The following VRK3 variants were observed in gnomAD, a reference collection of about 807,000 sequenced individuals.
The protein encoded by VRK3 is VRK serine/threonine kinase 3.
A neutral mutation model predicts 60.4 loss-of-function variants in VRK3; 50 were observed. That is an observed-to-expected ratio of 0.83 (90% CI 0.66 to 1.05). VRK3 has a LOEUF of 1.05. Ranked by LOEUF, VRK3 falls within the 50% of genes least tolerant of loss-of-function variation. The probability of loss-of-function intolerance (pLI) is 0.00; values close to 1 mark genes in which losing one functional copy is unlikely to be tolerated. For synonymous variants in VRK3, 246 were observed against 227.8 expected, an observed-to-expected ratio of 1.08 and a Z score of -0.72; for missense variants, 549 against 585.3, an observed-to-expected ratio of 0.94 and a Z score of 0.64.
intron 9 of VRK3, among the ~76,000 whole-genome samples, chr19:49,994,536 T>C (rs1224662422): frequency 6.6e-6 from 1 of 152,240 alleles, no homozygotes; most frequent in African/African-American, 2.4e-5. Context: ...CCTGAGAGTC[T>C]TGGCTTAGAA....
At chr19:49,980,924 C>G in intron 13 of VRK3, 31 bp downstream of exon 13, 1 of 1,596,638 alleles carries the variant, frequency 6.3e-7, no homozygotes, top group Non-Finnish European at 8.5e-7. Flanking sequence ...TGCCCGAGTC[C>G]CCGCCTGTTC....
intron 10 of VRK3, 46 bp from the exon 11 acceptor site, chr19:49,989,817 A>C: frequency 6.6e-7 from 1 of 1,523,356 alleles, no homozygotes; most frequent in Non-Finnish European, 8.9e-7. Flanking sequence ...TTAGGAGCGT[A>C]GAAGTCAGAG....
intron 3 of VRK3, among the ~76,000 whole-genome samples, chr19:50,010,399 G>C (rs535639570): frequency 1.2e-4 from 18 of 152,360 alleles, no homozygotes; most frequent in African/African-American, 3.8e-4. Flanking sequence ...TAAATCAACA[G>C]AGACTGGTAC....
At chr19:50,006,521 G>A (rs1044714575) in intron 5 of VRK3, among the ~76,000 whole-genome samples, 4 of 151,574 alleles carry the variant, frequency 2.6e-5, no homozygotes, top group African/African-American at 9.7e-5. Flanking sequence ...GACTACAGGT[G>A]CCAGCCACCA....
rs1233280988 is a variant in VRK3, at chr19:50,016,098, C to T, written c.65G>A (p.Cys22Tyr). The change falls in exon 3 of 15, where the codon TGT (cysteine) becomes TAT (tyrosine). Residue 22 changes from cysteine (C) to tyrosine (Y), a missense_variant. Physicochemically the swap from Cys to Tyr is radical, Grantham distance 194. Transcript: ENST00000316763. ...IQAAFKFCPYCGNSLPVEEHV... is the reference protein window; with the variant it reads ...IQAAFKFCPYYGNSLPVEEHV... The stretch of plus-strand genomic sequence containing the variant: ...CTCCTCTACAGGCAAAGAATTTCCA[C>T]AGTAGGGGCAGAATTTGAATGCCGC... 3.1e-6 allele frequency: 5 copies of T among 1,614,100 alleles called. No individual in the cohort carries two copies. In the Admixed American group the frequency reaches 5.0e-5, roughly 16 times the overall value.
intron 12 of VRK3, chr19:49,982,035 T>G (rs1600650553): frequency 3.0e-6 from 2 of 662,108 alleles, no homozygotes; most frequent in South Asian, 1.7e-5. Context: ...GGGAGGGAGG[T>G]GGTCCCCCGG....
chr19:49,994,132 G>T (rs2076659600), intron 9 of VRK3, among the ~76,000 whole-genome samples: 1 of 152,184 alleles, frequency 6.6e-6, no homozygotes. Context: ...TTAGGACTCA[G>T]CATGTCGCTC....
At chr19:49,994,963 A>T in intron 8 of VRK3, 44 bp from the exon 9 acceptor site, 1 of 1,576,562 alleles carries the variant, frequency 6.3e-7, no homozygotes. Context: ...TGAACAGGGG[A>T]GAGAGGAGTA....
rs1568804039 is a variant in VRK3, at chr19:50,007,559, CAG to C, written c.547+8_547+9del. Reference sequence around the variant, plus strand: ...GACCCAGTCCCTGGCCGCCCATGGACAGAGTGTACCTTCATAGAGAATGCCCT... The same window carrying C: ...GACCCAGTCCCTGGCCGCCCATGGACAGTGTACCTTCATAGAGAATGCCCT... On this transcript the variant is annotated splice_region_variant and intron_variant, in intron 5 of 14. Transcript: ENST00000316763. The C allele has an allele frequency of 1.2e-6, 2 of 1,613,476 alleles. No homozygotes were observed. Among genetic ancestry groups the C allele is most frequent in the Non-Finnish European group, 8.5e-7 (1 of 1,179,358 alleles).
intron 12 of VRK3, chr19:49,981,853 G>T: frequency 8.4e-7 from 1 of 1,197,498 alleles, no homozygotes; most frequent in Non-Finnish European, 1.1e-6. Context: ...AGGGGCCAAT[G>T]GGCGGTATCC....
rs1446966788 is a variant in VRK3, at chr19:49,980,079, A to T, written c.1277-837T>A. On this transcript the variant is annotated intron_variant, in intron 13 of 14. Transcript: ENST00000316763. ...AAAATAATAAAATAAATTTTAAAAA[A>T]ATAAATAATTAAAAAATGAGCCTTA... Among the ~76,000 whole-genome samples the T allele has an allele frequency of 3.3e-5, 5 of 152,062 alleles. No individual in the cohort carries two copies. The East Asian group carries it at 7.7e-4, about 23-fold the overall frequency.
chr19:50,023,760 T>C (rs1187482901), intron 1 of VRK3, among the ~76,000 whole-genome samples: 2 of 151,942 alleles, frequency 1.3e-5, no homozygotes, highest in African/African-American at 2.4e-5. Context: ...CCCAGCTGTG[T>C]CAGTACACAT....
intron 9 of VRK3, 66 bp from the exon 10 acceptor site, chr19:49,993,018 G>C (rs958323757): frequency 4.5e-6 from 6 of 1,331,086 alleles, no homozygotes; most frequent in Non-Finnish European, 6.0e-6. Context: ...CTATGGTGCA[G>C]ACCAGGAGGG....
At chr19:49,985,679 G>C (rs1248466302) in intron 12 of VRK3, among the ~76,000 whole-genome samples, 1 of 152,152 alleles carries the variant, frequency 6.6e-6, no homozygotes, top group Non-Finnish European at 1.5e-5. Flanking sequence ...TCCCGCAATA[G>C]GATGTGAGCT....
At chr19:50,009,162 T>C in intron 4 of VRK3, 74 bp downstream of exon 4, 1 of 1,530,360 alleles carries the variant, frequency 6.5e-7, no homozygotes, top group Non-Finnish European at 8.9e-7. Flanking sequence ...CTGTGGCAGT[T>C]TTGTCCCAAA....
chr19:50,017,946 C>A (rs557143873), intron 2 of VRK3, among the ~76,000 whole-genome samples: 2 of 152,228 alleles, frequency 1.3e-5, no homozygotes, highest in Non-Finnish European at 1.5e-5. Context: ...TAGGCATGAG[C>A]TACCACCCTG....
At chr19:49,984,979 A>G (rs1336718435) in intron 12 of VRK3, among the ~76,000 whole-genome samples, 1 of 152,036 alleles carries the variant, frequency 6.6e-6, no homozygotes, top group Non-Finnish European at 1.5e-5. Context: ...CCAGAGAAGG[A>G]TGTGTGTGTG....
intron 5 of VRK3, among the ~76,000 whole-genome samples, chr19:50,003,852 G>A (rs2076850258): frequency 6.6e-6 from 1 of 152,220 alleles, no homozygotes; most frequent in Non-Finnish European, 1.5e-5. Flanking sequence ...CGCTCTCCCT[G>A]CACTGTCTGT....
intron 7 of VRK3, 170 bp downstream of exon 7, chr19:49,997,325 TCACAACACA>T: frequency 5.0e-6 from 3 of 601,784 alleles, no homozygotes; most frequent in Non-Finnish European, 8.5e-6. Flanking sequence ...TGTGAGCCAG[TCACAACACA>T]CACTGAGGCC....
Sources: gnomAD v4.1 joint callset for allele counts (sites outside exome capture counted in the v4.1 genomes callset) on GRCh38, gnomAD v4.1.1 for gene constraint, MANE v1.5 for transcripts, NCBI Gene and HGNC (gene_info 2026-07-23, HGNC 2026-07-21) for gene names.